C14orf39: variants seen among roughly 807,000 people sequenced by gnomAD.
C14orf39 encodes the protein protein SIX6OS1.
C14orf39 carries 66 observed loss-of-function variants against 85.6 expected under a neutral mutation model. The observed-to-expected ratio is 0.77, with a 90% CI of 0.63 to 0.95. The LOEUF (loss-of-function observed/expected upper bound fraction) is 0.95, where lower values mean the gene tolerates loss of function less well. C14orf39 is among the 40% of genes least tolerant of loss of function. The probability of loss-of-function intolerance (pLI) is 0.00; values close to 1 mark genes in which losing one functional copy is unlikely to be tolerated. For synonymous variants in C14orf39, 242 were observed against 214.0 expected (o/e 1.13, Z -1.14); for missense variants, 735 against 663.9 (o/e 1.11, Z -1.18).
In C14orf39 at chr14:60,479,412, G is replaced by A. The variant is rs565986559; in HGVS notation, c.234-1023C>T. On this transcript the variant is annotated intron_variant, in intron 4 of 17. Coordinates refer to ENST00000321731, the MANE Select transcript of C14orf39 (RefSeq NM_174978.3). ...TAGACACTGGAAACTAGTAGAGGGGGAAGAGGTGAAAAACTATTGAGTACT... is the reference window on the plus strand; with the variant it reads ...TAGACACTGGAAACTAGTAGAGGGGAAAGAGGTGAAAAACTATTGAGTACT... Among the ~76,000 whole-genome samples the A allele has an allele frequency of 8.3e-4, 127 of 152,266 alleles. 2 individuals are homozygous for A. The South Asian group carries it at 0.025, about 30-fold the overall frequency.
At chr14:60,485,265 AAGCCCAACG>A (rs1478348374) in intron 1 of C14orf39, among the ~76,000 whole-genome samples, 179 bp from the exon 2 acceptor site, 1 of 152,190 alleles carries the variant, frequency 6.6e-6, no homozygotes, top group East Asian at 1.9e-4. Flanking sequence ...TTCCCGGGCC[AAGCCCAACG>A]AGCGCTTCAG....
At chr14:60,502,095 A>G (rs770380151) in intron 1 of C14orf39, among the ~76,000 whole-genome samples, 2 of 152,214 alleles carry the variant, frequency 1.3e-5, no homozygotes, top group African/African-American at 4.8e-5. Context: ...TATAAAGTTT[A>G]GTTTGAGAAA....
intron 5 of C14orf39, among the ~76,000 whole-genome samples, chr14:60,476,343 G>A (rs750827986): frequency 3.9e-5 from 6 of 152,168 alleles, no homozygotes; most frequent in Non-Finnish European, 8.8e-5. Flanking sequence ...GCATAGCTAA[G>A]TCATAGTTAA....
At chr14:60,512,988 C>G (rs1256877446) in intron 1 of C14orf39, 1 of 152,104 alleles carries the variant, frequency 6.6e-6, no homozygotes. Context: ...AAGTGCAAAC[C>G]AAACAAAAAT....
upstream of C14orf39, among the ~76,000 whole-genome samples, chr14:60,486,767 T>TTTAAGTGAAATA (rs1465610252): frequency 6.6e-6 from 1 of 152,206 alleles, no homozygotes. Context: ...TCACGGAATA[T>TTTAAGTGAAATA]TTAAGTGAAA....
intron 17 of C14orf39, among the ~76,000 whole-genome samples, chr14:60,441,674 T>G (rs1470172814): frequency 6.6e-6 from 1 of 152,096 alleles, no homozygotes; most frequent in Non-Finnish European, 1.5e-5. Flanking sequence ...ATATTTATAT[T>G]AATATGTTGA....
intron 2 of C14orf39, chr14:60,495,771 T>G (rs141791319): frequency 1.6e-3 from 385 of 245,808 alleles, no homozygotes; most frequent in Admixed American, 3.5e-3. Context: ...CTACGATACT[T>G]AAATTTGTGC....
chr14:60,466,041 T>C lies in C14orf39; in HGVS notation c.910A>G (p.Ser304Gly). The C allele has an allele frequency of 6.6e-7, 1 of 1,521,426 alleles. No individual in the cohort carries two copies. Among genetic ancestry groups the C allele is most frequent in the Non-Finnish European group, 8.8e-7 (1 of 1,130,686 alleles). The allele number at this position is 1,521,426 out of a possible 1,614,324, so 94.2% of individuals were successfully genotyped here. A position where few individuals can be genotyped will look rare whatever the true frequency, so the allele number is the denominator to read the frequency against. ...GCAAGCTTTGACTGCTTCGCAGAAC[T>C]TTCTTCTTTTATATCTAGATTATTA... Reference protein sequence around the residue: ...EPRVADIKEESSAKQSKLANI... With the variant: ...EPRVADIKEEGSAKQSKLANI... The change falls in exon 11 of 18, where the codon AGT (serine) becomes GGT (glycine). Residue 304 changes from serine to glycine, a missense_variant. By Grantham distance (56) the Ser-to-Gly change is moderately conservative. Transcript: ENST00000321731.
intron 1 of C14orf39, chr14:60,509,366 C>G (rs770132232): frequency 6.3e-7 from 1 of 1,583,930 alleles, no homozygotes; most frequent in Non-Finnish European, 8.6e-7. Flanking sequence ...CCGCTCCGGG[C>G]TCAGTGCCCT....
intron 5 of C14orf39, among the ~76,000 whole-genome samples, chr14:60,475,177 T>C (rs1183836074): frequency 6.6e-6 from 1 of 152,210 alleles, no homozygotes; most frequent in East Asian, 1.9e-4. Flanking sequence ...GATTTTCTAG[T>C]TTATTTGCAT....
At chr14:60,488,834 T>C (rs2140173215), upstream of C14orf39, among the ~76,000 whole-genome samples, 1 of 152,146 alleles carries the variant, frequency 6.6e-6, no homozygotes, top group African/African-American at 2.4e-5. Context: ...CCTCCTCCCT[T>C]CCTTTTTTTC....
chr14:60,480,747 T>C (rs1407142967), intron 4 of C14orf39, among the ~76,000 whole-genome samples: 1 of 144,856 alleles, frequency 6.9e-6, no homozygotes, highest in African/African-American at 2.5e-5. Context: ...GTGGCATAGA[T>C]ACACTATGAA....
rs1462500647 is a variant in C14orf39 at position 60,484,331 on chromosome 14, ATTC to A, written c.107-517_107-515del. Among the ~76,000 whole-genome samples the A allele has an allele frequency of 3.3e-5, 5 of 152,308 alleles. No homozygotes were observed. Among genetic ancestry groups the A allele is most frequent in the Admixed American group, 6.5e-5 (1 of 15,298 alleles). On this transcript the variant is annotated intron_variant, in intron 3 of 17. Coordinates refer to ENST00000321731, the MANE Select transcript of C14orf39 (RefSeq NM_174978.3). The surrounding 1 kb of genome is among the most constrained non-coding windows in gnomAD (Gnocchi z 4.2). ...TTAAAATAAATTCTTAATATTCTGT[ATTC>A]TTTTTTGATTGCAGAAAATATAACC...
chr14:60,485,200 G>A (rs1892824773), intron 1 of C14orf39, 114 bp from the exon 2 acceptor site: 1 of 860,482 alleles, frequency 1.2e-6, no homozygotes, highest in Admixed American at 3.0e-5. Flanking sequence ...TGTGGGCAGA[G>A]CCAGAACTGG....
At position 60,469,612 on chromosome 14, in the gene C14orf39, G is replaced by A; in HGVS notation, c.596C>T (p.Ala199Val). The change falls in exon 8 of 18, where the codon GCC becomes GTC. Residue 199 changes from alanine to valine, a missense_variant. By Grantham distance (64) the Ala-to-Val change is moderately conservative (BLOSUM62 0). Transcript: ENST00000321731. Reference sequence around the variant, plus strand: ...GGATGAACTTTTGGTAAGATTGCTGGCATGTTTAAGAATATCTTGTGTTTC... The same window carrying A: ...GGATGAACTTTTGGTAAGATTGCTGACATGTTTAAGAATATCTTGTGTTTC... ...RCETQDILKHASNLTKSSSEL... is the reference protein window; with the variant it reads ...RCETQDILKHVSNLTKSSSEL... 6.6e-7 allele frequency: 1 copy of A among 1,506,934 alleles called. No individual in the cohort carries two copies. Among genetic ancestry groups the A allele is most frequent in the South Asian group, 1.4e-5 (1 of 73,726 alleles). The allele number at this position is 1,506,934 out of a possible 1,614,324, so 93.3% of individuals were successfully genotyped here.
chr14:60,498,708 C>T (rs1893100988), intron 2 of C14orf39, among the ~76,000 whole-genome samples: 2 of 152,116 alleles, frequency 1.3e-5, no homozygotes, highest in South Asian at 4.1e-4. Context: ...GTCTGCTTTT[C>T]CTACATGAGG....
intron 1 of C14orf39, among the ~76,000 whole-genome samples, chr14:60,503,025 C>T (rs989041751): frequency 6.6e-6 from 1 of 152,202 alleles, no homozygotes; most frequent in Non-Finnish European, 1.5e-5. Flanking sequence ...TGCTTGTGAG[C>T]ATCACTGTTA....
intron 1 of C14orf39, chr14:60,509,621 G>A: frequency 6.2e-7 from 1 of 1,613,798 alleles, no homozygotes; most frequent in African/African-American, 1.3e-5. Context: ...TCATATCCTG[G>A]AAAACCACAA....
At chr14:60,467,806 C>T (rs993728745) in intron 9 of C14orf39, among the ~76,000 whole-genome samples, 1 of 151,382 alleles carries the variant, frequency 6.6e-6, no homozygotes, top group Non-Finnish European at 1.5e-5. Context: ...GATTAAGGGC[C>T]ATGGAACTTG....
Sources: allele counts gnomAD v4.1 joint callset (sites outside exome capture counted in the v4.1 genomes callset), GRCh38; gene constraint gnomAD v4.1.1; non-coding constraint Gnocchi (gnomAD v3.1); transcripts MANE v1.5; gene names NCBI Gene and HGNC (gene_info 2026-07-23, HGNC 2026-07-21).